Variants in NTM observed in about 807,000 individuals in gnomAD.
NTM encodes the protein IgLON family member 2.
A neutral mutation model predicts 42.1 loss-of-function variants in NTM; 13 were observed. The observed-to-expected ratio is 0.31, with a 90% CI of 0.20 to 0.49. The LOEUF (loss-of-function observed/expected upper bound fraction) is 0.49, where lower values mean the gene tolerates loss of function less well. Ranked by LOEUF, NTM falls within the 20% of genes least tolerant of loss-of-function variation. NTM has a pLI of 0.99. For synonymous variants in NTM, 187 were observed against 179.2 expected, an observed-to-expected ratio of 1.04 and a Z score of -0.35; for missense variants, 373 against 452.8, an observed-to-expected ratio of 0.82 and a Z score of 1.60.
At chr11:131,434,311 G>T (rs1156478140) in intron 1 of NTM, among the ~76,000 whole-genome samples, 2 of 152,188 alleles carry the variant, frequency 1.3e-5, no homozygotes, top group Non-Finnish European at 2.9e-5. Flanking sequence ...CCAGTAATGG[G>T]ATTGCTGGGT....
At chr11:131,746,960 A>G (rs1195052203) in intron 1 of NTM, among the ~76,000 whole-genome samples, 1 of 152,228 alleles carries the variant, frequency 6.6e-6, no homozygotes, top group Non-Finnish European at 1.5e-5. Flanking sequence ...CTCAATTTTG[A>G]TACCTGTAAA....
intron 2 of NTM, among the ~76,000 whole-genome samples, chr11:132,069,786 G>T (rs1347664915): frequency 6.9e-6 from 1 of 145,530 alleles, no homozygotes; most frequent in East Asian, 2.1e-4. Flanking sequence ...GACGATCACA[G>T]GTTAGTTAAC....
chr11:132,020,782 A>C (rs1674468607), intron 2 of NTM, among the ~76,000 whole-genome samples: 1 of 151,882 alleles, frequency 6.6e-6, no homozygotes, highest in South Asian at 2.1e-4. Context: ...TTCCCCTATA[A>C]TTTTTTTGGA....
intron 2 of NTM, among the ~76,000 whole-genome samples, chr11:132,086,201 G>A (rs2059684158): frequency 1.3e-5 from 2 of 151,792 alleles, no homozygotes; most frequent in African/African-American, 2.4e-5. Context: ...GTGGGCGCCT[G>A]TAGTCCCAGC....
Position 132,214,032 on chromosome 11 carries a change from C to T in NTM, c.526+1885C>T, listed in dbSNP as rs993295626. On this transcript the variant is annotated intron_variant, in intron 4 of 8. Coordinates refer to ENST00000683400, the MANE Select transcript of NTM (RefSeq NM_001352005.2). The stretch of plus-strand genomic sequence containing the variant: ...TACAGGCGTGAGCCACCGCGCCCGG[C>T]GGGCCACCATTCTTGACACTGTAAC... 2.3e-4 allele frequency among the ~76,000 whole-genome samples: 14 copies of T among 61,358 alleles called. 1 individual carries two copies. The highest frequency in any genetic ancestry group is 4.5e-4 in the East Asian group (2 of 4,422). 40.3% of individuals were successfully genotyped at this position (61,358 alleles called of 152,430 possible).
chr11:131,475,990 G>T (rs61901913), intron 1 of NTM, among the ~76,000 whole-genome samples: 1 of 152,076 alleles, frequency 6.6e-6, no homozygotes, highest in Non-Finnish European at 1.5e-5. Context: ...AACTTGGCAG[G>T]TACTCAGGAT....
intron 1 of NTM, among the ~76,000 whole-genome samples, chr11:131,371,330 G>A (rs1244119770): frequency 6.6e-6 from 1 of 152,182 alleles, no homozygotes; most frequent in African/African-American, 2.4e-5. Flanking sequence ...GCTTTTAAAA[G>A]GAGCAAAGGG....
intron 2 of NTM, among the ~76,000 whole-genome samples, chr11:131,949,843 C>T (rs2060781937): frequency 6.6e-6 from 1 of 152,168 alleles, no homozygotes. Context: ...TTTCCTCTTC[C>T]TTCTAATGCC....
intron 1 of NTM, among the ~76,000 whole-genome samples, chr11:131,805,353 A>C (rs1023213818): frequency 1.1e-4 from 16 of 152,158 alleles, no homozygotes; most frequent in Admixed American, 4.6e-4. Flanking sequence ...CATCCTAAAC[A>C]AAGCTCAGCG....
intron 1 of NTM, among the ~76,000 whole-genome samples, chr11:131,868,283 T>G (rs1027022257): frequency 1.3e-5 from 2 of 152,190 alleles, no homozygotes; most frequent in Non-Finnish European, 2.9e-5. Context: ...CACCCTTTTT[T>G]GTCCCAGTCT....
chr11:131,374,358 G>A lies in NTM; in HGVS notation c.82+3470G>A, dbSNP rs1307319624. ...GCCTGGAGAGTGTCTGCCCTGGCCG[G>A]CAGGTCTCGCTGCATGAAGACCATT... On this transcript the variant is annotated intron_variant, in intron 1 of 8. Coordinates refer to ENST00000683400, the MANE Select transcript of NTM (RefSeq NM_001352005.2). Among the ~76,000 whole-genome samples, 5 of 152,362 alleles carry A rather than the reference G, an allele frequency of 3.3e-5. No individual in the cohort carries two copies. The East Asian group carries it at 9.7e-4, about 29-fold the overall frequency.
rs928521257 is a variant in NTM, at chr11:132,003,618, T to G, written c.167+91970T>G. ...GTCTGGGGACCACACTTTGAGAATG[T>G]GCTTTCAGCTCAGCTCTGTTGTTCA... is the stretch of plus-strand genomic sequence containing the variant. On this transcript the variant is annotated intron_variant, in intron 2 of 8. Transcript: ENST00000683400. The surrounding 1 kb of genome is among the most constrained non-coding windows in gnomAD (Gnocchi z 6.0). Among the ~76,000 whole-genome samples, 1 of 152,194 alleles carries G rather than the reference T, an allele frequency of 6.6e-6. No individual in the cohort carries two copies. The highest frequency in any genetic ancestry group is 1.5e-5 in the Non-Finnish European group (1 of 68,038).
At chr11:131,852,828 A>G (rs139350740) in intron 1 of NTM, among the ~76,000 whole-genome samples, 1 of 150,548 alleles carries the variant, frequency 6.6e-6, no homozygotes, top group Non-Finnish European at 1.5e-5. Flanking sequence ...TTCATCTTCT[A>G]TTCACCCACC....
chr11:131,521,143 T>G (rs1040738331), intron 1 of NTM, among the ~76,000 whole-genome samples: 2 of 151,508 alleles, frequency 1.3e-5, no homozygotes, highest in Admixed American at 1.3e-4. Flanking sequence ...GCCAATATGG[T>G]GAAACCCCAT....
At chr11:131,960,430 C>A (rs2134493751) in intron 2 of NTM, among the ~76,000 whole-genome samples, 1 of 152,318 alleles carries the variant, frequency 6.6e-6, no homozygotes, top group South Asian at 2.1e-4. Context: ...ATTCATCTGG[C>A]CTGTGGAACC....
intron 2 of NTM, among the ~76,000 whole-genome samples, chr11:131,957,396 T>G (rs2061666442): frequency 6.6e-6 from 1 of 152,120 alleles, no homozygotes; most frequent in African/African-American, 2.4e-5. Flanking sequence ...GAAAGCCAGT[T>G]CCCCTCCAAC....
At chr11:132,037,381 T>A (rs186870807) in intron 2 of NTM, among the ~76,000 whole-genome samples, 1 of 152,304 alleles carries the variant, frequency 6.6e-6, no homozygotes, top group Admixed American at 6.5e-5. Flanking sequence ...TGCAGTACCA[T>A]GAGCCAAATA....
intron 1 of NTM, among the ~76,000 whole-genome samples, chr11:131,683,111 T>C (rs983928442): frequency 2.0e-5 from 3 of 152,196 alleles, no homozygotes; most frequent in African/African-American, 4.8e-5. Context: ...ATAACTGAAC[T>C]TTCCCTCTAA....
chr11:131,975,322 G>T (rs183129439), intron 2 of NTM, among the ~76,000 whole-genome samples: 133 of 152,146 alleles, frequency 8.7e-4, no homozygotes, highest in Admixed American at 2.5e-3. Flanking sequence ...CAGGACTACA[G>T]GTGCACGCCA....
Sources: gnomAD v4.1 joint callset for allele counts (sites outside exome capture counted in the v4.1 genomes callset) on GRCh38, gnomAD v4.1.1 for gene constraint, Gnocchi (gnomAD v3.1) non-coding constraint, MANE v1.5 for transcripts, NCBI Gene and HGNC (gene_info 2026-07-23, HGNC 2026-07-21) for gene names.